PRR16: variants seen among roughly 807,000 people sequenced by gnomAD.
The protein encoded by PRR16 is protein Largen.
PRR16 carries 6 observed loss-of-function variants against 18.2 expected under a neutral mutation model. The ratio of observed to expected loss-of-function variants is 0.33; its 90% CI spans 0.18 to 0.65. PRR16 has a LOEUF of 0.65. PRR16 is among the 30% of genes least tolerant of loss of function. PRR16 has a pLI of 0.74. For synonymous variants in PRR16, 151 were observed against 147.8 expected (o/e 1.02, Z -0.16); for missense variants, 412 against 376.6 (o/e 1.09, Z -0.78).
chr5:120,724,927 A>G, the PRR16 span, among the ~76,000 whole-genome samples: 97 of 151,932 alleles, frequency 6.4e-4, no homozygotes, highest in African/African-American at 2.2e-3. Context: ...ATTAAAAAAA[A>G]TATATATAGT....
chr5:120,592,301 A>C (rs1371254132), intron 1 of PRR16, among the ~76,000 whole-genome samples: 2 of 152,202 alleles, frequency 1.3e-5, no homozygotes, highest in African/African-American at 4.8e-5. Context: ...AATCTGAAGA[A>C]TAAAATGCAG....
chr5:120,516,082 A>G (rs1467079286), intron 1 of PRR16, among the ~76,000 whole-genome samples: 1 of 152,134 alleles, frequency 6.6e-6, no homozygotes, highest in Non-Finnish European at 1.5e-5. Flanking sequence ...ATGCAGTTCA[A>G]GACTGAAAAT....
At chr5:120,635,311 G>A (rs771340844) in intron 1 of PRR16, among the ~76,000 whole-genome samples, 8 of 151,726 alleles carry the variant, frequency 5.3e-5, no homozygotes, top group Non-Finnish European at 8.8e-5. Flanking sequence ...AGAACATAAC[G>A]AAAAAGGAAG....
Position 120,686,515 on chromosome 5 carries a change from C to A in PRR16, c.721C>A (p.Pro241Thr), listed in dbSNP as rs773700105. Reference protein sequence around the residue: ...VHLHSEPVHPPGKIPHQGPPL... With the variant: ...VHLHSEPVHPTGKIPHQGPPL... ...CTTACACAGTGAACCTGTCCACCCA[C>A]CGGGAAAGATTCCTCACCAAGGCCC... is the stretch of plus-strand genomic sequence containing the variant. Residue 241 changes from proline (P) to threonine (T), a missense_variant, in exon 2 of 2, where the codon CCG becomes ACG. Coordinates refer to ENST00000407149, the MANE Select transcript of PRR16 (RefSeq NM_001300783.2). The A allele has an allele frequency of 5.0e-6, 8 of 1,613,822 alleles. No individual in the cohort carries two copies. The Admixed American group carries it at 5.0e-5, about 10-fold the overall frequency.
intron 1 of PRR16, among the ~76,000 whole-genome samples, chr5:120,549,666 G>A (rs973640588): frequency 1.3e-5 from 2 of 151,964 alleles, no homozygotes; most frequent in Non-Finnish European, 2.9e-5. Flanking sequence ...AAAGTAGATA[G>A]GGTGGGACAC....
chr5:120,766,989 G>GAGAAAATGTTTT, the PRR16 span, among the ~76,000 whole-genome samples: 1 of 151,844 alleles, frequency 6.6e-6, no homozygotes, highest in Non-Finnish European at 1.5e-5. Context: ...GGAATACTAA[G>GAGAAAATGTTTT]AGAAAATGTT....
the PRR16 span, among the ~76,000 whole-genome samples, chr5:120,793,381 T>C: frequency 6.6e-6 from 1 of 152,114 alleles, no homozygotes; most frequent in Non-Finnish European, 1.5e-5. Context: ...GGTTTGGAGA[T>C]ATCACATGTC....
At chr5:120,650,533 G>A (rs754531967) in intron 1 of PRR16, among the ~76,000 whole-genome samples, 20 of 138,898 alleles carry the variant, frequency 1.4e-4, no homozygotes, top group Non-Finnish European at 2.5e-4. Flanking sequence ...CTGTGTCCAT[G>A]TGTTCTCATT....
At chr5:120,534,846 G>A (rs148690388) in intron 1 of PRR16, among the ~76,000 whole-genome samples, 5 of 152,138 alleles carry the variant, frequency 3.3e-5, no homozygotes, top group Admixed American at 2.0e-4. Flanking sequence ...ATGTAAGTAC[G>A]TGTAAAATAA....
chr5:120,545,297 T>C (rs1186672148), intron 1 of PRR16, among the ~76,000 whole-genome samples: 1 of 152,120 alleles, frequency 6.6e-6, no homozygotes, highest in Non-Finnish European at 1.5e-5. Context: ...ATACGTGACA[T>C]TATAGATTGG....
chr5:120,553,626 T>C (rs1164622478), intron 1 of PRR16, among the ~76,000 whole-genome samples: 1 of 151,836 alleles, frequency 6.6e-6, no homozygotes, highest in Non-Finnish European at 1.5e-5. Context: ...TTTTCAAAAG[T>C]TGGTAATCTC....
At chr5:120,687,730 T>G (rs1011288198), downstream of PRR16, among the ~76,000 whole-genome samples, 1 of 152,228 alleles carries the variant, frequency 6.6e-6, no homozygotes. Flanking sequence ...GCGTAAGTTT[T>G]TCCCCCTCAG....
At chr5:120,637,998 T>C (rs1755297502) in intron 1 of PRR16, among the ~76,000 whole-genome samples, 1 of 152,194 alleles carries the variant, frequency 6.6e-6, no homozygotes, top group Non-Finnish European at 1.5e-5. Context: ...TTTCAGATTT[T>C]GGAATATTTG....
intron 1 of PRR16, among the ~76,000 whole-genome samples, chr5:120,666,392 T>C (rs1756377454): frequency 6.6e-6 from 1 of 152,090 alleles, no homozygotes; most frequent in South Asian, 2.1e-4. Context: ...TATACAATCA[T>C]GTCATCTGCA....
intron 1 of PRR16, 63 bp from the exon 2 acceptor site, chr5:120,685,891 A>G: frequency 6.7e-7 from 1 of 1,483,288 alleles, no homozygotes; most frequent in South Asian, 1.3e-5. Context: ...ACAAAAATAA[A>G]TTGTTTCTAG....
intron 1 of PRR16, among the ~76,000 whole-genome samples, chr5:120,522,884 G>C (rs1751232312): frequency 6.6e-6 from 1 of 152,230 alleles, no homozygotes; most frequent in Admixed American, 6.5e-5. Flanking sequence ...CCAAAATGCT[G>C]GGATTACGGG....
chr5:120,775,683 T>G, the PRR16 span, among the ~76,000 whole-genome samples: 3 of 150,266 alleles, frequency 2.0e-5, no homozygotes, highest in Non-Finnish European at 4.4e-5. Context: ...CAGGCTGGAG[T>G]GCAATGGCAC....
chr5:120,764,355 T>C, the PRR16 span, among the ~76,000 whole-genome samples: 1 of 152,162 alleles, frequency 6.6e-6, no homozygotes, highest in African/African-American at 2.4e-5. Context: ...ATGTAATATG[T>C]CACATTTATC....
intron 1 of PRR16, among the ~76,000 whole-genome samples, chr5:120,540,386 TG>T (rs1349579230): frequency 6.6e-6 from 1 of 152,196 alleles, no homozygotes; most frequent in African/African-American, 2.4e-5. Context: ...TCAGAAAATC[TG>T]AGGTTTTTAG....
Sources: gnomAD v4.1 joint callset for allele counts (sites outside exome capture counted in the v4.1 genomes callset) on GRCh38, gnomAD v4.1.1 for gene constraint, MANE v1.5 for transcripts, NCBI Gene and HGNC (gene_info 2026-07-23, HGNC 2026-07-21) for gene names.